Variants in NAP1L4 observed in about 807,000 individuals in gnomAD.
The protein encoded by NAP1L4 is nucleosome assembly protein 1 like 4.
NAP1L4 carries 15 observed loss-of-function variants against 58.2 expected under a neutral mutation model. That is an observed-to-expected ratio of 0.26 (90% CI 0.17 to 0.40). The LOEUF (loss-of-function observed/expected upper bound fraction) is 0.40. Among genes scored for constraint, NAP1L4 ranks in the 10% least tolerant of loss-of-function variants. The pLI is 1.00. For synonymous variants in NAP1L4, 171 were observed against 155.6 expected, an observed-to-expected ratio of 1.10 and a Z score of -0.74; for missense variants, 384 against 451.1, an observed-to-expected ratio of 0.85 and a Z score of 1.35.
intron 1 of NAP1L4, 85 bp from the exon 2 acceptor site, chr11:2,979,322 G>GACTCCATCCCACA: frequency 8.6e-7 from 1 of 1,156,698 alleles, no homozygotes; most frequent in Non-Finnish European, 1.3e-6. Context: ...GTTATCTGTG[G>GACTCCATCCCACA]GATGGAGTCC....
intron 3 of NAP1L4, 150 bp downstream of exon 3, chr11:2,978,134 G>A (rs921603991): frequency 4.5e-6 from 3 of 668,966 alleles, no homozygotes; most frequent in African/African-American, 3.7e-5. Context: ...TACATCTTTT[G>A]TTAATGAGAT....
intron 8 of NAP1L4, among the ~76,000 whole-genome samples, chr11:2,960,960 C>A (rs1846858361): frequency 6.6e-6 from 1 of 152,194 alleles, no homozygotes; most frequent in Non-Finnish European, 1.5e-5. Context: ...GGAAGCTACT[C>A]AATGTCTCCG....
rs1026585830 is a variant in NAP1L4, at chr11:2,971,378, A to G, written c.402+70T>C. 2.9e-6 allele frequency: 4 copies of G among 1,395,592 alleles called. No individual in the cohort carries two copies. The East Asian group carries it at 9.5e-5, about 33-fold the overall frequency. The allele number at this position is 1,395,592 out of a possible 1,614,324, so 86.5% of individuals were successfully genotyped here. A position where few individuals can be genotyped will look rare whatever the true frequency, so the allele number is the denominator to read the frequency against. On this transcript the variant is annotated intron_variant, in intron 6 of 15. Coordinates refer to ENST00000380542, the MANE Select transcript of NAP1L4 (RefSeq NM_005969.4). The surrounding 1 kb of genome is among the most constrained non-coding windows in gnomAD (Gnocchi z 4.2). The stretch of plus-strand genomic sequence containing the variant: ...GCACATAAGTTTACTAGTCATTAAA[A>G]ATCATTAAAAAATGCTTATTTTTAA...
At chr11:2,989,581 C>A (rs1330109912) in intron 1 of NAP1L4, among the ~76,000 whole-genome samples, 1 of 152,184 alleles carries the variant, frequency 6.6e-6, no homozygotes, top group Non-Finnish European at 1.5e-5. Flanking sequence ...AAAAGCACTA[C>A]TATATATACA....
rs868565443 is a variant in NAP1L4, at chr11:2,984,598, A to C, written c.-17-5361T>G. Among the ~76,000 whole-genome samples, 3 of 152,100 alleles carry C rather than the reference A, an allele frequency of 2.0e-5. No homozygotes were observed. In the South Asian group the frequency reaches 6.2e-4, roughly 32 times the overall value. ...AAAAACAAACAAACAAAAAACTAAC[A>C]AACACACTTCAATGGTCCCCCGTCA... On this transcript the variant is annotated intron_variant, in intron 1 of 15. Coordinates refer to ENST00000380542, the MANE Select transcript of NAP1L4 (RefSeq NM_005969.4).
chr11:2,945,669 T>C, intron 15 of NAP1L4, 23 bp from the exon 16 acceptor site: 2 of 1,534,178 alleles, frequency 1.3e-6, no homozygotes, highest in Non-Finnish European at 8.7e-7. Flanking sequence ...AAGACAAGGC[T>C]TGTAGAGAGC....
At chr11:2,957,386 T>C (rs1846606555) in intron 10 of NAP1L4, among the ~76,000 whole-genome samples, 1 of 152,228 alleles carries the variant, frequency 6.6e-6, no homozygotes, top group South Asian at 2.1e-4. Context: ...ATTAAAATAA[T>C]GGACTGAACT....
At position 2,951,419 on chromosome 11, in the gene NAP1L4, CAA is replaced by C. The variant is rs1846221784; in HGVS notation, c.1066-106_1066-105del. 2 of 919,516 alleles carry C rather than the reference CAA, an allele frequency of 2.2e-6. No individual in the cohort carries two copies. Among genetic ancestry groups the C allele is most frequent in the Non-Finnish European group, 3.6e-6 (2 of 561,548 alleles). 57.0% of individuals were successfully genotyped at this position (919,516 alleles called of 1,614,324 possible). A position where few individuals can be genotyped will look rare whatever the true frequency, so the allele number is the denominator to read the frequency against. On this transcript the variant is annotated intron_variant, in intron 13 of 15. Transcript: ENST00000380542. The surrounding 1 kb of genome is among the most constrained non-coding windows in gnomAD (Gnocchi z 4.0). ...GCAAAACACTGCCTTAGATGGAAATCAATTACTGCTACCCACAAGTGACTCAT... is the reference window on the plus strand; with the variant it reads ...GCAAAACACTGCCTTAGATGGAAATCTTACTGCTACCCACAAGTGACTCAT...
In NAP1L4 at chr11:2,959,997, C is replaced by G. The variant is rs1399966306; in HGVS notation, c.607-88G>C. 3 of 1,366,204 alleles carry G rather than the reference C, an allele frequency of 2.2e-6. No homozygotes were observed. The highest frequency in any genetic ancestry group is 1.0e-6 in the Non-Finnish European group (1 of 997,756). The allele number at this position is 1,366,204 out of a possible 1,614,324, so 84.6% of individuals were successfully genotyped here. A position where few individuals can be genotyped will look rare whatever the true frequency, so the allele number is the denominator to read the frequency against. On this transcript the variant is annotated intron_variant, in intron 8 of 15. Transcript: ENST00000380542. The surrounding 1 kb of genome is among the most constrained non-coding windows in gnomAD (Gnocchi z 4.9). Reference sequence around the variant, plus strand: ...TGGAGTACACAACACTTACTAGAAGCTATTTTGGGAAAGCTCAACAGATAG... The same window carrying G: ...TGGAGTACACAACACTTACTAGAAGGTATTTTGGGAAAGCTCAACAGATAG...
intron 1 of NAP1L4, chr11:2,992,019 A>C (rs1019497800): frequency 2.0e-5 from 3 of 152,008 alleles, no homozygotes; most frequent in African/African-American, 7.3e-5. Context: ...GGGAGTTGGG[A>C]GGGGCCTCCC....
intron 4 of NAP1L4, 108 bp downstream of exon 4, chr11:2,975,916 G>C: frequency 1.0e-6 from 1 of 968,536 alleles, no homozygotes; most frequent in East Asian, 2.6e-5. Context: ...CAATGTCTTG[G>C]AACGAAAAAA....
At chr11:2,986,575 A>G (rs574865679) in intron 1 of NAP1L4, among the ~76,000 whole-genome samples, 116 of 152,116 alleles carry the variant, frequency 7.6e-4, no homozygotes, top group African/African-American at 2.7e-3. Context: ...AAGACTCCTT[A>G]TAATTTCCTT....
intron 4 of NAP1L4, among the ~76,000 whole-genome samples, chr11:2,975,195 A>G (rs2519175): frequency 6.6e-6 from 1 of 151,330 alleles, no homozygotes; most frequent in Non-Finnish European, 1.5e-5. Context: ...GTGCATGCCT[A>G]TAGTTCCAAC....
At chr11:2,986,741 C>T (rs1165967671) in intron 1 of NAP1L4, among the ~76,000 whole-genome samples, 2 of 151,912 alleles carry the variant, frequency 1.3e-5, no homozygotes, top group East Asian at 3.9e-4. Flanking sequence ...CCTCAGCCTC[C>T]CAAGTAGCTG....
intron 8 of NAP1L4, 122 bp downstream of exon 8, chr11:2,964,558 C>T: frequency 1.4e-6 from 1 of 738,108 alleles, no homozygotes; most frequent in Non-Finnish European, 2.3e-6. Flanking sequence ...TCGCCCAGGG[C>T]TGCCCAGCAG....
chr11:2,982,629 G>A (rs1848394469), intron 1 of NAP1L4, among the ~76,000 whole-genome samples: 1 of 152,210 alleles, frequency 6.6e-6, no homozygotes, highest in Admixed American at 6.5e-5. Flanking sequence ...CACACGGCTA[G>A]TAAAACATGC....
In NAP1L4 at chr11:2,949,583, C is replaced by T. The variant is rs992069895; in HGVS notation, c.1123-319G>A. 2.0e-5 allele frequency among the ~76,000 whole-genome samples: 3 copies of T among 152,234 alleles called. No homozygotes were observed. Among genetic ancestry groups the T allele is most frequent in the African/African-American group, 7.2e-5 (3 of 41,454 alleles). On this transcript the variant is annotated intron_variant, in intron 14 of 15. Coordinates refer to ENST00000380542, the MANE Select transcript of NAP1L4 (RefSeq NM_005969.4). This position sits in a 1 kb window ranked among gnomAD's most constrained non-coding sequence, Gnocchi z 4.0. ...CAGGCTTGGCCTTATCCTGGCCACA[C>T]ATGCCGGGCCGTCTCTGAACTTCAT...
chr11:2,981,102 C>A (rs6578306), intron 1 of NAP1L4, among the ~76,000 whole-genome samples: 1 of 151,758 alleles, frequency 6.6e-6, no homozygotes, highest in Admixed American at 6.6e-5. Flanking sequence ...GCCAGGCGTG[C>A]TGGTGTGAAC....
At chr11:2,964,985 C>T (rs1847176920) in intron 7 of NAP1L4, among the ~76,000 whole-genome samples, 1 of 151,270 alleles carries the variant, frequency 6.6e-6, no homozygotes, top group Admixed American at 6.6e-5. Context: ...CGGTGGCTGC[C>T]ACTGCCAGCA....
Sources: gnomAD v4.1 joint callset for allele counts (sites outside exome capture counted in the v4.1 genomes callset) on GRCh38, gnomAD v4.1.1 for gene constraint, Gnocchi (gnomAD v3.1) non-coding constraint, MANE v1.5 for transcripts, NCBI Gene and HGNC (gene_info 2026-07-23, HGNC 2026-07-21) for gene names.